Variants in IGSF21 observed in about 807,000 individuals in gnomAD.
IGSF21 encodes the protein immunoglobulin superfamily member 21.
IGSF21 carries 28 observed loss-of-function variants against 46.8 expected under a neutral mutation model. The observed-to-expected ratio is 0.60, with a 90% confidence interval of 0.44 to 0.82. IGSF21 has a LOEUF of 0.82. Ranked by LOEUF, IGSF21 falls within the 40% of genes least tolerant of loss-of-function variation. The pLI, the probability that IGSF21 is intolerant of heterozygous loss-of-function variation, is 0.00. For synonymous variants in IGSF21, 284 were observed against 273.6 expected, an observed-to-expected ratio of 1.04 and a Z score of -0.38; for missense variants, 624 against 665.5, an observed-to-expected ratio of 0.94 and a Z score of 0.69.
intron 2 of IGSF21, among the ~76,000 whole-genome samples, chr1:18,284,852 T>A (rs1488927440): frequency 6.6e-6 from 1 of 151,766 alleles, no homozygotes; most frequent in Non-Finnish European, 1.5e-5. Context: ...CCAGGTGCCA[T>A]CCACTCCTCT....
intron 1 of IGSF21, among the ~76,000 whole-genome samples, chr1:18,154,786 CCT>C (rs2086553750): frequency 6.6e-6 from 1 of 151,732 alleles, no homozygotes; most frequent in Non-Finnish European, 1.5e-5. Flanking sequence ...CCTCCCTTTC[CCT>C]CTTTCCCTCC....
chr1:18,233,021 G>T (rs1357193468), intron 2 of IGSF21, among the ~76,000 whole-genome samples: 1 of 152,288 alleles, frequency 6.6e-6, no homozygotes, highest in Admixed American at 6.5e-5. Context: ...AAAGCCGAAG[G>T]TCTGTTTATA....
At chr1:18,282,861 G>C (rs1008182443) in intron 2 of IGSF21, among the ~76,000 whole-genome samples, 3 of 152,088 alleles carry the variant, frequency 2.0e-5, no homozygotes, top group African/African-American at 7.2e-5. Flanking sequence ...CTAAAACTAC[G>C]CATGAACATT....
At chr1:18,214,775 G>T (rs114133749) in intron 1 of IGSF21, among the ~76,000 whole-genome samples, 1 of 151,948 alleles carries the variant, frequency 6.6e-6, no homozygotes, top group South Asian at 2.1e-4. Context: ...TTGCTCTGTC[G>T]CCAGGCTGGC....
At chr1:18,148,251 C>T (rs1234284244) in intron 1 of IGSF21, among the ~76,000 whole-genome samples, 3 of 151,700 alleles carry the variant, frequency 2.0e-5, no homozygotes, top group African/African-American at 4.8e-5. Flanking sequence ...CTGCCTCAGC[C>T]TCCAGAGTAG....
intron 1 of IGSF21, among the ~76,000 whole-genome samples, chr1:18,144,308 A>T (rs1201560446): frequency 6.6e-6 from 1 of 152,082 alleles, no homozygotes; most frequent in Non-Finnish European, 1.5e-5. Context: ...CAGGCGGCTC[A>T]CAGACCTCCA....
At chr1:18,341,012 C>CTCTTCTTCTTTTCT (rs2085830784) in intron 4 of IGSF21, among the ~76,000 whole-genome samples, 1 of 84,984 alleles carries the variant, frequency 1.2e-5, no homozygotes, top group African/African-American at 5.1e-5. Context: ...CCTCCTTCTT[C>CTCTTCTTCTTTTCT]TCTTCTTCTT....
intron 2 of IGSF21, among the ~76,000 whole-genome samples, chr1:18,270,539 G>A (rs2085032366): frequency 6.6e-6 from 1 of 152,212 alleles, no homozygotes; most frequent in Admixed American, 6.5e-5. Flanking sequence ...CTGGGTGGGA[G>A]GTGTCCAACA....
At chr1:18,367,603 C>CTCTT (rs1553167093) in intron 6 of IGSF21, among the ~76,000 whole-genome samples, 1 of 73,952 alleles carries the variant, frequency 1.4e-5, no homozygotes, top group Non-Finnish European at 2.5e-5. Flanking sequence ...CTCTCTCTCT[C>CTCTT]TTTTTTTTTT....
At chr1:18,336,667 C>A (rs1042483554) in intron 4 of IGSF21, among the ~76,000 whole-genome samples, 2 of 152,232 alleles carry the variant, frequency 1.3e-5, no homozygotes, top group African/African-American at 4.8e-5. Flanking sequence ...ATGAGGCCCA[C>A]ACTTCCTATT....
At chr1:18,303,390 C>T (rs867491277) in intron 3 of IGSF21, among the ~76,000 whole-genome samples, 2 of 152,130 alleles carry the variant, frequency 1.3e-5, no homozygotes, top group Non-Finnish European at 1.5e-5. Flanking sequence ...TTTCCTCCCC[C>T]GGCAGCCTCC....
chr1:18,175,300 G>A (rs2086784334), intron 1 of IGSF21, among the ~76,000 whole-genome samples: 2 of 152,144 alleles, frequency 1.3e-5, no homozygotes, highest in African/African-American at 2.4e-5. Context: ...ATGTAAACAG[G>A]CCCCTCTAGC....
chr1:18,114,432 G>C (rs2086170926), intron 1 of IGSF21: 1 of 152,194 alleles, frequency 6.6e-6, no homozygotes, highest in Admixed American at 6.5e-5. Context: ...ACCTGGTTTT[G>C]AAAAAGACTG....
chr1:18,352,872 C>T (rs4920481), intron 4 of IGSF21, among the ~76,000 whole-genome samples: 84,382 of 152,022 alleles, frequency 0.56, 24,045 homozygotes, highest in Non-Finnish European at 0.61. Flanking sequence ...GGGTGGATGA[C>T]GCCCGCAGCC....
At chr1:18,118,045 G>A (rs553078789) in intron 1 of IGSF21, among the ~76,000 whole-genome samples, 24 of 152,328 alleles carry the variant, frequency 1.6e-4, no homozygotes, top group Middle Eastern at 3.4e-3. Context: ...GGGGACCTTG[G>A]CAGCACTTCA....
chr1:18,124,963 G>T (rs1229021265), intron 1 of IGSF21, among the ~76,000 whole-genome samples: 1 of 152,158 alleles, frequency 6.6e-6, no homozygotes, highest in Non-Finnish European at 1.5e-5. Flanking sequence ...CCAGGGCAAA[G>T]GCACTCGAGG....
chr1:18,247,739 T>C (rs1270525932), intron 2 of IGSF21, among the ~76,000 whole-genome samples: 5 of 152,206 alleles, frequency 3.3e-5, no homozygotes, highest in Admixed American at 3.3e-4. Flanking sequence ...GTCTAAACAC[T>C]TACATATATC....
At chr1:18,284,262 C>G (rs762405673) in intron 2 of IGSF21, among the ~76,000 whole-genome samples, 1 of 152,174 alleles carries the variant, frequency 6.6e-6, no homozygotes, top group South Asian at 2.1e-4. Flanking sequence ...GGTGGGATGG[C>G]GGCAGATCTG....
chr1:18,312,658 C>T lies in IGSF21; in HGVS notation c.305+20671C>T, dbSNP rs189126587. Among the ~76,000 whole-genome samples, 516 of 152,284 alleles carry T rather than the reference C, an allele frequency of 3.4e-3. 1 individual carries two copies. Among genetic ancestry groups the T allele is most frequent in the Non-Finnish European group, 5.2e-3 (353 of 68,030 alleles). On this transcript the variant is annotated intron_variant, in intron 3 of 9. Transcript: ENST00000251296. The stretch of plus-strand genomic sequence containing the variant: ...GCCATCATCACATCCCCTCCCGCTC[C>T]GACCCTCCTGTCTCCCTCCAATAAG...
Sources: allele counts gnomAD v4.1 joint callset (sites outside exome capture counted in the v4.1 genomes callset), GRCh38; gene constraint gnomAD v4.1.1; transcripts MANE v1.5; gene names NCBI Gene and HGNC (gene_info 2026-07-23, HGNC 2026-07-21).